ROBO2: variants seen among roughly 807,000 people sequenced by gnomAD.
ROBO2 encodes the protein roundabout homolog 2.
Under a neutral mutation model 160.8 loss-of-function variants are expected in ROBO2, and 53 were observed. The observed-to-expected ratio is 0.33, with a 90% CI of 0.26 to 0.41. The LOEUF (loss-of-function observed/expected upper bound fraction) is 0.41. Ranked by LOEUF, ROBO2 falls within the 10% of genes least tolerant of loss-of-function variation. The pLI is 1.00. For synonymous variants in ROBO2, 664 were observed against 611.7 expected (o/e 1.09, Z -1.26); for missense variants, 1,577 against 1,722.4 (o/e 0.92, Z 1.49).
intron 1 of ROBO2, among the ~76,000 whole-genome samples, chr3:77,051,114 C>T (rs772312414): frequency 5.3e-5 from 8 of 152,030 alleles, no homozygotes; most frequent in Non-Finnish European, 1.2e-4. Context: ...CTTTTCTGCC[C>T]AAAACCAGAT....
intron 2 of ROBO2, among the ~76,000 whole-genome samples, chr3:77,136,996 C>T (rs2076332288): frequency 6.6e-6 from 1 of 152,118 alleles, no homozygotes. Context: ...GCTACCCAGG[C>T]TGGTCTTAAA....
chr3:77,463,982 C>T (rs551833162), intron 2 of ROBO2, among the ~76,000 whole-genome samples: 6 of 152,262 alleles, frequency 3.9e-5, no homozygotes, highest in South Asian at 2.1e-4. Context: ...CAAAGTCTTT[C>T]TTGTTTACTA....
intron 2 of ROBO2, among the ~76,000 whole-genome samples, chr3:76,963,177 A>G (rs2079797849): frequency 6.6e-6 from 1 of 152,168 alleles, no homozygotes; most frequent in African/African-American, 2.4e-5. Context: ...TATATTATCT[A>G]AAATGTATAT....
chr3:76,322,203 T>TATATAA (rs1349372355), intron 2 of ROBO2, among the ~76,000 whole-genome samples: 9 of 116,076 alleles, frequency 7.8e-5, no homozygotes, highest in Admixed American at 3.5e-4. Context: ...TATATATATA[T>TATATAA]AATATACACA....
At chr3:76,434,241 T>C (rs2076565855) in intron 2 of ROBO2, 21 of 1,017,828 alleles carry the variant, frequency 2.1e-5, no homozygotes, top group South Asian at 1.8e-4. Context: ...AGGTTTGACG[T>C]TGGAGCGAGC....
At position 77,563,294 on chromosome 3, in the gene ROBO2, C is replaced by G. The variant is rs879541755; in HGVS notation, c.1647C>G (p.Thr549=). Reference sequence around the variant, plus strand: ...CCTGGCAGCCAGGTACCCCTGGAACCCTTCCAGCAAGTGCATATATCATTG... The same window carrying G: ...CCTGGCAGCCAGGTACCCCTGGAACGCTTCCAGCAAGTGCATATATCATTG... The change falls in exon 11 of 26, where the codon ACC becomes ACG. Residue 549 remains threonine (T), a synonymous_variant. Transcript: ENST00000461745. The G allele has an allele frequency of 2.5e-6, 4 of 1,613,542 alleles. No individual in the cohort carries two copies. Among genetic ancestry groups the G allele is most frequent in the Non-Finnish European group, 3.4e-6 (4 of 1,179,662 alleles).
At chr3:77,370,073 TG>T (rs1362801442) in intron 2 of ROBO2, among the ~76,000 whole-genome samples, 1 of 152,222 alleles carries the variant, frequency 6.6e-6, no homozygotes, top group Admixed American at 6.5e-5. Flanking sequence ...TGTAATGCTC[TG>T]AAATGTATTG....
At chr3:77,232,717 A>G (rs1045378629) in intron 2 of ROBO2, among the ~76,000 whole-genome samples, 2 of 152,136 alleles carry the variant, frequency 1.3e-5, no homozygotes, top group Admixed American at 1.3e-4. Context: ...GTTTTTGTCA[A>G]TAATGTGATG....
intron 2 of ROBO2, among the ~76,000 whole-genome samples, chr3:76,874,101 G>C (rs2072442333): frequency 6.6e-6 from 1 of 152,066 alleles, no homozygotes; most frequent in African/African-American, 2.4e-5. Context: ...TGACTAAGGA[G>C]ATAAGTCACC....
intron 2 of ROBO2, among the ~76,000 whole-genome samples, chr3:76,738,794 G>A (rs1412063850): frequency 6.6e-6 from 1 of 152,112 alleles, no homozygotes; most frequent in Non-Finnish European, 1.5e-5. Flanking sequence ...GATAGATGTG[G>A]CACATGAAAT....
At position 77,315,169 on chromosome 3, in the gene ROBO2, A is replaced by T. The variant is rs183386615; in HGVS notation, c.389-162245A>T. ...AAAATAAACCTTTTGCAAATTAATA[A>T]TATGAACTTGGAACTACACAAAGGT... On this transcript the variant is annotated intron_variant, in intron 2 of 25. Transcript: ENST00000461745. Among the ~76,000 whole-genome samples the T allele has an allele frequency of 1.1e-4, 16 of 152,318 alleles. No individual in the cohort carries two copies. In the East Asian group the frequency reaches 2.1e-3, roughly 20 times the overall value.
At chr3:76,948,312 T>C (rs2078697948) in intron 2 of ROBO2, among the ~76,000 whole-genome samples, 1 of 152,156 alleles carries the variant, frequency 6.6e-6, no homozygotes, top group Non-Finnish European at 1.5e-5. Context: ...TTTTGTTTCC[T>C]GAATCCAAAG....
At chr3:77,110,373 T>C (rs2073412311) in intron 2 of ROBO2, among the ~76,000 whole-genome samples, 1 of 152,154 alleles carries the variant, frequency 6.6e-6, no homozygotes, top group Admixed American at 6.6e-5. Flanking sequence ...TATATGTATT[T>C]GTGGACATTT....
At chr3:77,100,334 T>C (rs987492270) in intron 2 of ROBO2, among the ~76,000 whole-genome samples, 1 of 152,178 alleles carries the variant, frequency 6.6e-6, no homozygotes, top group Non-Finnish European at 1.5e-5. Flanking sequence ...TTCATTCCAT[T>C]TGAGGCATCA....
At chr3:77,418,238 A>C (rs1042767841) in intron 2 of ROBO2, among the ~76,000 whole-genome samples, 4 of 152,184 alleles carry the variant, frequency 2.6e-5, no homozygotes, top group Non-Finnish European at 2.9e-5. Context: ...TAGCATGGAT[A>C]GGTACTTTGC....
At chr3:76,321,906 T>G (rs975290586) in intron 2 of ROBO2, among the ~76,000 whole-genome samples, 1 of 151,968 alleles carries the variant, frequency 6.6e-6, no homozygotes, top group Non-Finnish European at 1.5e-5. Flanking sequence ...CTCATTACAT[T>G]TGCAAGATTT....
intron 6 of ROBO2, among the ~76,000 whole-genome samples, chr3:77,531,651 T>C (rs777875386): frequency 9.9e-5 from 15 of 152,074 alleles, no homozygotes; most frequent in Admixed American, 6.6e-5. Context: ...CCACCCCAAC[T>C]TGAAATTTGG....
At chr3:75,908,131 A>T (rs1419005704) in intron 1 of ROBO2, among the ~76,000 whole-genome samples, 2 of 152,172 alleles carry the variant, frequency 1.3e-5, no homozygotes, top group Non-Finnish European at 2.9e-5. Context: ...AATAGCAGGT[A>T]AGTATACAAA....
intron 2 of ROBO2, among the ~76,000 whole-genome samples, chr3:76,140,711 T>C (rs2071600346): frequency 6.6e-6 from 1 of 151,770 alleles, no homozygotes; most frequent in Non-Finnish European, 1.5e-5. Context: ...TTAGTGGCAG[T>C]ACTAGGGAGA....
Sources: allele counts gnomAD v4.1 joint callset (sites outside exome capture counted in the v4.1 genomes callset), GRCh38; gene constraint gnomAD v4.1.1; transcripts MANE v1.5; gene names NCBI Gene and HGNC (gene_info 2026-07-23, HGNC 2026-07-21).